PTPRT: variants seen among roughly 807,000 people sequenced by gnomAD.
PTPRT encodes receptor-type tyrosine-protein phosphatase T.
In PTPRT, 56 loss-of-function variants were observed where a neutral mutation model predicts 176.8. The ratio of observed to expected loss-of-function variants is 0.32; its 90% CI spans 0.26 to 0.40. The LOEUF is 0.40. Among genes scored for constraint, PTPRT ranks in the 10% least tolerant of loss-of-function variants. The pLI, the probability that PTPRT is intolerant of heterozygous loss-of-function variation, is 1.00. For synonymous variants in PTPRT, 783 were observed against 739.0 expected, an observed-to-expected ratio of 1.06 and a Z score of -0.96; for missense variants, 1,540 against 1,908.2, an observed-to-expected ratio of 0.81 and a Z score of 3.60.
At chr20:42,609,755 G>A (rs2073942713) in intron 7 of PTPRT, among the ~76,000 whole-genome samples, 1 of 152,204 alleles carries the variant, frequency 6.6e-6, no homozygotes, top group African/African-American at 2.4e-5. Context: ...GGAGGCTGTA[G>A]GCTGGCAGAC....
At chr20:42,743,542 G>A (rs912180029) in intron 6 of PTPRT, among the ~76,000 whole-genome samples, 5 of 152,160 alleles carry the variant, frequency 3.3e-5, no homozygotes, top group Non-Finnish European at 7.4e-5. Flanking sequence ...GGGAATAAGC[G>A]TGAAGCCTGG....
Position 42,446,923 on chromosome 20 carries a change from T to C in PTPRT, c.1560+1297A>G, listed in dbSNP as rs571797679. 6.6e-5 allele frequency among the ~76,000 whole-genome samples: 10 copies of C among 152,242 alleles called. No homozygotes were observed. The East Asian group carries it at 1.7e-3, about 27-fold the overall frequency. ...CTCCCTGCAACTTCTAAGAGGGAGA[T>C]GTTAGCTCTCCTGAGGAATGCTAGT... On this transcript the variant is annotated intron_variant, in intron 9 of 30. Coordinates refer to ENST00000373187, the MANE Select transcript of PTPRT (RefSeq NM_007050.6).
At chr20:42,893,698 C>G (rs1283145960) in intron 1 of PTPRT, among the ~76,000 whole-genome samples, 1 of 151,832 alleles carries the variant, frequency 6.6e-6, no homozygotes, top group Non-Finnish European at 1.5e-5. Flanking sequence ...ATGATGAGTT[C>G]ATGTCCTTTG....
chr20:42,561,898 C>A lies in PTPRT; in HGVS notation c.1154-89336G>T, dbSNP rs145119190. On this transcript the variant is annotated intron_variant, in intron 7 of 30. Coordinates refer to ENST00000373187, the MANE Select transcript of PTPRT (RefSeq NM_007050.6). ...ACCCTCATACTGGCTGTTGTTCCCC[C>A]CAAAACCCTCTCAGGGATGGAACCT... Among the ~76,000 whole-genome samples, 766 of 152,286 alleles carry A rather than the reference C, an allele frequency of 5.0e-3. 6 individuals are homozygous for A. The highest frequency in any genetic ancestry group is 0.018 in the African/African-American group (728 of 41,560).
At chr20:42,430,321 G>A (rs556465531) in intron 9 of PTPRT, among the ~76,000 whole-genome samples, 3 of 152,322 alleles carry the variant, frequency 2.0e-5, no homozygotes, top group African/African-American at 7.2e-5. Flanking sequence ...AAAATGCTTG[G>A]CCTGCAGACA....
intron 1 of PTPRT, among the ~76,000 whole-genome samples, chr20:43,037,454 T>C (rs1986428640): frequency 6.6e-6 from 1 of 152,194 alleles, no homozygotes; most frequent in African/African-American, 2.4e-5. Context: ...ATTCTGGTGC[T>C]TCATAAACTG....
chr20:42,528,057 G>C (rs2072309912), intron 7 of PTPRT, among the ~76,000 whole-genome samples: 1 of 152,182 alleles, frequency 6.6e-6, no homozygotes, highest in Admixed American at 6.5e-5. Context: ...ATAGGCCCAT[G>C]ATCTGGCTCC....
At chr20:42,390,828 T>C (rs1015686952) in intron 9 of PTPRT, among the ~76,000 whole-genome samples, 6 of 152,200 alleles carry the variant, frequency 3.9e-5, no homozygotes, top group African/African-American at 1.2e-4. Context: ...ATCTGTTAAG[T>C]GGTAGGAAAT....
At chr20:42,927,611 G>A (rs1979571455) in intron 1 of PTPRT, among the ~76,000 whole-genome samples, 1 of 151,878 alleles carries the variant, frequency 6.6e-6, no homozygotes, top group African/African-American at 2.4e-5. Context: ...GGAAAGGGAA[G>A]GGGAAGGAAA....
intron 1 of PTPRT, among the ~76,000 whole-genome samples, chr20:42,922,590 T>C (rs141473824): frequency 1.7e-4 from 26 of 152,326 alleles, no homozygotes; most frequent in Non-Finnish European, 3.4e-4. Context: ...GCATCCCTTG[T>C]AGGTTTCCTT....
the PTPRT span, among the ~76,000 whole-genome samples, chr20:42,045,682 T>C: frequency 0.018 from 2,739 of 151,912 alleles, 75 homozygotes; most frequent in African/African-American, 0.062. Context: ...AACAGTACTA[T>C]TATTGTTCCC....
intron 15 of PTPRT, among the ~76,000 whole-genome samples, chr20:42,223,661 T>C (rs1043651260): frequency 6.6e-6 from 1 of 152,178 alleles, no homozygotes; most frequent in Non-Finnish European, 1.5e-5. Context: ...CACAATTTCA[T>C]GGTAGCTCTG....
intron 1 of PTPRT, among the ~76,000 whole-genome samples, chr20:43,182,870 C>T (rs983130457): frequency 1.3e-5 from 2 of 152,096 alleles, no homozygotes; most frequent in Admixed American, 6.6e-5. Flanking sequence ...AAAAACGTTG[C>T]ATCTGCTCCT....
chr20:42,373,013 C>T lies in PTPRT; in HGVS notation c.1561-20728G>A, dbSNP rs138239944. ...TATAACAAAACACAGAGGCTTCTGC[C>T]ACATCCTAGGCAGGAAGAAATGACA... On this transcript the variant is annotated intron_variant, in intron 9 of 30. Coordinates refer to ENST00000373187, the MANE Select transcript of PTPRT (RefSeq NM_007050.6). Among the ~76,000 whole-genome samples the T allele has an allele frequency of 8.1e-4, 123 of 152,346 alleles. 1 individual carries two copies. Among genetic ancestry groups the T allele is most frequent in the African/African-American group, 2.7e-3 (114 of 41,584 alleles).
chr20:43,013,587 T>C (rs144796189), intron 1 of PTPRT, among the ~76,000 whole-genome samples: 3 of 152,242 alleles, frequency 2.0e-5, no homozygotes, highest in Non-Finnish European at 2.9e-5. Context: ...CCCTACCTTT[T>C]TGGAGTCTGT....
chr20:42,281,819 TAACTATTCA>T (rs952851762), intron 13 of PTPRT, among the ~76,000 whole-genome samples: 1 of 152,208 alleles, frequency 6.6e-6, no homozygotes, highest in Non-Finnish European at 1.5e-5. Flanking sequence ...ATCTGATTTC[TAACTATTCA>T]ACCCTGTAAT....
At chr20:42,771,648 T>C (rs1600720299) in intron 4 of PTPRT, 98 bp from the exon 5 acceptor site, 4 of 918,480 alleles carry the variant, frequency 4.4e-6, no homozygotes, top group Non-Finnish European at 5.3e-6. Flanking sequence ...CTGGGCAGGG[T>C]GGAACTGGCA....
At chr20:42,763,415 C>T (rs1301046489) in intron 5 of PTPRT, among the ~76,000 whole-genome samples, 1 of 151,834 alleles carries the variant, frequency 6.6e-6, no homozygotes, top group African/African-American at 2.4e-5. Context: ...AATGCAGGAT[C>T]CTGGAAGCCT....
chr20:43,012,222 C>T (rs1985166199), intron 1 of PTPRT, among the ~76,000 whole-genome samples: 1 of 152,182 alleles, frequency 6.6e-6, no homozygotes, highest in African/African-American at 2.4e-5. Context: ...TAATACAACA[C>T]AGGATGGAAT....
Sources: gnomAD v4.1 joint callset for allele counts (sites outside exome capture counted in the v4.1 genomes callset) on GRCh38, gnomAD v4.1.1 for gene constraint, MANE v1.5 for transcripts, NCBI Gene and HGNC (gene_info 2026-07-23, HGNC 2026-07-21) for gene names.